Variants in ABL1 observed in about 807,000 individuals in gnomAD.
ABL1 encodes the protein ABL proto-oncogene 1, non-receptor tyrosine kinase.
ABL1 carries 11 observed loss-of-function variants against 94.7 expected under a neutral mutation model. That is an observed-to-expected ratio of 0.12 (90% CI 0.07 to 0.19). ABL1 has a LOEUF of 0.19. ABL1 is among the 10% of genes least tolerant of loss of function. The probability of loss-of-function intolerance (pLI) is 1.00; values close to 1 mark genes in which losing one functional copy is unlikely to be tolerated. For synonymous variants in ABL1, 656 were observed against 622.4 expected, an observed-to-expected ratio of 1.05 and a Z score of -0.80; for missense variants, 1,082 against 1,489.4, an observed-to-expected ratio of 0.73 and a Z score of 4.50.
chr9:130,790,770 G>T (rs1829898622), intron 1 of ABL1, among the ~76,000 whole-genome samples: 1 of 151,848 alleles, frequency 6.6e-6, no homozygotes, highest in Admixed American at 6.6e-5. Flanking sequence ...CACTGTGTCG[G>T]GCCAGCATTC....
chr9:130,771,238 G>GTA (rs1832247515), intron 1 of ABL1, among the ~76,000 whole-genome samples: 2 of 151,840 alleles, frequency 1.3e-5, no homozygotes, highest in African/African-American at 4.9e-5. Context: ...GTATGTGTGT[G>GTA]TGTGTATGTA....
chr9:130,806,768 G>A (rs1475322583), intron 1 of ABL1, among the ~76,000 whole-genome samples: 2 of 152,098 alleles, frequency 1.3e-5, no homozygotes, highest in African/African-American at 4.8e-5. Context: ...AAGTATTCTG[G>A]ACCTACACAC....
In ABL1 at chr9:130,814,285, C is replaced by CA. The variant is rs34978348; in HGVS notation, c.137-39769dup. 0.2 allele frequency among the ~76,000 whole-genome samples: 27,146 copies of CA among 138,006 alleles called. 2,880 individuals are homozygous for CA. The highest frequency in any genetic ancestry group is 0.31 in the African/African-American group (11,906 of 38,626). The allele number at this position is 138,006 out of a possible 152,430, so 90.5% of individuals were successfully genotyped here. On this transcript the variant is annotated intron_variant, in intron 1 of 10. Transcript: ENST00000372348. The surrounding 1 kb of genome is among the most constrained non-coding windows in gnomAD (Gnocchi z 4.4). ...CTAGCGACAGAACGAGACTCCGTCTCAAAAAAAAAAGAAAGAAAGAAAGAA... is the reference window on the plus strand; with the variant it reads ...CTAGCGACAGAACGAGACTCCGTCTCAAAAAAAAAAAGAAAGAAAGAAAGAA...
At chr9:130,722,248 C>G (rs995534798) in intron 1 of ABL1, among the ~76,000 whole-genome samples, 2 of 152,028 alleles carry the variant, frequency 1.3e-5, no homozygotes, top group African/African-American at 4.8e-5. Context: ...CAAAAATTAG[C>G]AGGGCATGGT....
chr9:130,771,524 C>T (rs1408719280), intron 1 of ABL1, among the ~76,000 whole-genome samples: 3 of 151,890 alleles, frequency 2.0e-5, no homozygotes, highest in Non-Finnish European at 4.4e-5. Context: ...TTTAAGTGTT[C>T]CAAATATCTT....
Position 130,883,960 on chromosome 9 carries a change from GC to G in ABL1, c.1679-8del, listed in dbSNP as rs770823531. The G allele has an allele frequency of 6.2e-7, 1 of 1,601,252 alleles. No individual in the cohort carries two copies. The highest frequency in any genetic ancestry group is 2.2e-5 in the East Asian group (1 of 44,784). On this transcript the variant is annotated splice_polypyrimidine_tract_variant and splice_region_variant and intron_variant, in intron 10 of 10. Transcript: ENST00000318560. ...TCTGGAGTTGTCAGCTCTTCCCCTTGCGTTTCAGATCCTCTGGACCATGAGC... is the reference window on the plus strand; with the variant it reads ...TCTGGAGTTGTCAGCTCTTCCCCTTGGTTTCAGATCCTCTGGACCATGAGC...
At chr9:130,837,176 G>A (rs1341878337) in intron 1 of ABL1, among the ~76,000 whole-genome samples, 1 of 152,180 alleles carries the variant, frequency 6.6e-6, no homozygotes, top group Non-Finnish European at 1.5e-5. Flanking sequence ...TTTGGAGGGT[G>A]GAGATTGTTT....
Position 130,884,975 on chromosome 9 carries a change from C to G in ABL1, c.2685C>G (p.Leu895=). ...GGGACAAGGGGAAATTGTCCAGGCT[C>G]AAACCTGCCCCGCCGCCCCCACCAG... The part of the protein sequence containing the change: ...PGRDKGKLSR[L]KPAPPPPPAA... The change falls in exon 11 of 11, where the codon CTC becomes CTG. Residue 895 remains leucine, a synonymous_variant. Transcript: ENST00000318560. This position sits in a 1 kb window ranked among gnomAD's most constrained non-coding sequence, Gnocchi z 5.6. 6.2e-7 allele frequency: 1 copy of G among 1,610,670 alleles called. No homozygotes were observed.
At position 130,884,206 on chromosome 9, in the gene ABL1, G is replaced by C; in HGVS notation, c.1916G>C (p.Arg639Pro). Residue 639 changes from arginine to proline, a missense_variant, in exon 11 of 11, where the codon CGA (arginine) becomes CCA (proline). By Grantham distance (103) the Arg-to-Pro change is moderately radical. Transcript: ENST00000318560. This position sits in a 1 kb window ranked among gnomAD's most constrained non-coding sequence, Gnocchi z 5.6. ...ERRGAGEEEG[R>P]DISNGALAFT... is the part of the protein sequence containing the mutation. ...AGAGGGGCCGGCGAGGAAGAGGGCC[G>C]AGACATCAGCAACGGGGCACTGGCT... 1 of 1,610,402 alleles carries C rather than the reference G, an allele frequency of 6.2e-7. No individual in the cohort carries two copies. The highest frequency in any genetic ancestry group is 8.5e-7 in the Non-Finnish European group (1 of 1,178,852).
At chr9:130,816,744 C>T (rs1390602012) in intron 1 of ABL1, among the ~76,000 whole-genome samples, 1 of 152,182 alleles carries the variant, frequency 6.6e-6, no homozygotes, top group Non-Finnish European at 1.5e-5. Context: ...CTCTATCGCC[C>T]AGGCTGGACT....
chr9:130,747,048 T>G (rs984700868), intron 1 of ABL1, among the ~76,000 whole-genome samples: 2 of 152,122 alleles, frequency 1.3e-5, no homozygotes, highest in African/African-American at 4.8e-5. Flanking sequence ...TGTTCCATTG[T>G]TTTATTTCCT....
At chr9:130,853,175 T>C (rs915794374) in intron 1 of ABL1, among the ~76,000 whole-genome samples, 1 of 128,866 alleles carries the variant, frequency 7.8e-6, no homozygotes, top group South Asian at 2.7e-4. Flanking sequence ...CTTTTCTTTT[T>C]TTTTTTTTTT....
At chr9:130,829,470 G>T (rs1830467121) in intron 1 of ABL1, among the ~76,000 whole-genome samples, 1 of 151,910 alleles carries the variant, frequency 6.6e-6, no homozygotes. Flanking sequence ...GCTGAGGCAG[G>T]AGAATGGCGT....
chr9:130,790,382 T>C (rs1021809089), intron 1 of ABL1, among the ~76,000 whole-genome samples: 1 of 152,260 alleles, frequency 6.6e-6, no homozygotes, highest in Non-Finnish European at 1.5e-5. Flanking sequence ...TAAGCTGTGT[T>C]CACGCTCCTC....
At chr9:130,844,147 T>C in intron 1 of ABL1, among the ~76,000 whole-genome samples, 1 of 152,098 alleles carries the variant, frequency 6.6e-6, no homozygotes, top group South Asian at 2.1e-4. Context: ...CTGGCAGCCA[T>C]CTCTAAGGGA....
intron 1 of ABL1, among the ~76,000 whole-genome samples, chr9:130,808,487 G>A (rs1270557623): frequency 3.3e-5 from 5 of 152,004 alleles, no homozygotes; most frequent in South Asian, 2.1e-4. Flanking sequence ...CAGGTGATTC[G>A]CCCACCTTGG....
intron 1 of ABL1, among the ~76,000 whole-genome samples, chr9:130,841,773 T>C (rs1213502468): frequency 2.0e-5 from 3 of 152,024 alleles, no homozygotes; most frequent in Non-Finnish European, 4.4e-5. Context: ...GATCTCACCA[T>C]TGTACTCCAG....
chr9:130,731,538 T>C (rs933986922), intron 1 of ABL1, among the ~76,000 whole-genome samples: 1 of 152,168 alleles, frequency 6.6e-6, no homozygotes, highest in Non-Finnish European at 1.5e-5. Flanking sequence ...CCTAGCTGTT[T>C]AATTGAAAAG....
chr9:130,752,266 T>TTGGGCAAGTTA (rs1034467146), intron 1 of ABL1, among the ~76,000 whole-genome samples: 1 of 152,198 alleles, frequency 6.6e-6, no homozygotes, highest in Non-Finnish European at 1.5e-5. Context: ...TTGTGAGATC[T>TTGGGCAAGTTA]TGGGCATGTT....
Sources: gnomAD v4.1 joint callset for allele counts (sites outside exome capture counted in the v4.1 genomes callset) on GRCh38, gnomAD v4.1.1 for gene constraint, Gnocchi (gnomAD v3.1) non-coding constraint, MANE v1.5 for transcripts, NCBI Gene and HGNC (gene_info 2026-07-23, HGNC 2026-07-21) for gene names.